The following ANGPT1 variants were observed in gnomAD, a reference collection of about 807,000 sequenced individuals.
ANGPT1 encodes the protein angiopoietin 1, also known as angiopoietin-1.
In ANGPT1, 17 loss-of-function variants were observed where a neutral mutation model predicts 62.2. The ratio of observed to expected loss-of-function variants is 0.27; its 90% CI spans 0.19 to 0.41. The LOEUF (loss-of-function observed/expected upper bound fraction) is 0.41, where lower values mean the gene tolerates loss of function less well. Among genes scored for constraint, ANGPT1 ranks in the 10% least tolerant of loss-of-function variants. The pLI, the probability that ANGPT1 is intolerant of heterozygous loss-of-function variation, is 1.00. For synonymous variants in ANGPT1, 199 were observed against 198.9 expected, an observed-to-expected ratio of 1.00 and a Z score of 0.00; for missense variants, 478 against 594.9, an observed-to-expected ratio of 0.80 and a Z score of 2.04.
At chr8:107,460,039 A>G (rs761317364) in intron 1 of ANGPT1, among the ~76,000 whole-genome samples, 1 of 152,132 alleles carries the variant, frequency 6.6e-6, no homozygotes, top group Non-Finnish European at 1.5e-5. Context: ...TCACCATTTC[A>G]CTACTTGTTT....
At chr8:107,295,891 C>A (rs1371872315) in intron 5 of ANGPT1, among the ~76,000 whole-genome samples, 1 of 152,064 alleles carries the variant, frequency 6.6e-6, no homozygotes, top group African/African-American at 2.4e-5. Flanking sequence ...CATGCATTTT[C>A]TAATTTATTC....
intron 4 of ANGPT1, 35 bp downstream of exon 4, chr8:107,321,861 T>C (rs1460384898): frequency 6.3e-7 from 1 of 1,576,316 alleles, no homozygotes. Flanking sequence ...GGAAATAAAA[T>C]ATTAACAATA....
chr8:107,356,197 G>A (rs1433801210), intron 1 of ANGPT1, among the ~76,000 whole-genome samples: 2 of 152,098 alleles, frequency 1.3e-5, no homozygotes, highest in Non-Finnish European at 2.9e-5. Context: ...AACCCATCTT[G>A]TCTTACTATG....
intron 7 of ANGPT1, among the ~76,000 whole-genome samples, chr8:107,280,515 G>C (rs1198042877): frequency 6.6e-6 from 1 of 152,198 alleles, no homozygotes; most frequent in Non-Finnish European, 1.5e-5. Context: ...AGGTATCAGG[G>C]AAGACTTGGA....
At chr8:107,318,911 T>G (rs888383946) in intron 4 of ANGPT1, among the ~76,000 whole-genome samples, 103 of 152,270 alleles carry the variant, frequency 6.8e-4, no homozygotes, top group Middle Eastern at 3.4e-3. Flanking sequence ...GTGTACTACA[T>G]ACCTACCGGG....
At chr8:107,328,881 T>C (rs568939778) in intron 3 of ANGPT1, among the ~76,000 whole-genome samples, 79 of 152,046 alleles carry the variant, frequency 5.2e-4, no homozygotes, top group Admixed American at 5.1e-3. Context: ...ATCACATCAC[T>C]AATTATAGTT....
At chr8:107,318,384 C>G (rs2130048397) in intron 4 of ANGPT1, among the ~76,000 whole-genome samples, 1 of 152,224 alleles carries the variant, frequency 6.6e-6, no homozygotes, top group African/African-American at 2.4e-5. Flanking sequence ...TGCTGTGAAA[C>G]TAAACAAAAG....
At chr8:107,291,633 G>A (rs1045300584) in intron 6 of ANGPT1, among the ~76,000 whole-genome samples, 12 of 152,034 alleles carry the variant, frequency 7.9e-5, no homozygotes, top group African/African-American at 2.9e-4. Flanking sequence ...AGATGGTCTC[G>A]ATCTCCTGAC....
chr8:107,332,493 G>A (rs138057616), intron 3 of ANGPT1, among the ~76,000 whole-genome samples: 8 of 152,274 alleles, frequency 5.3e-5, no homozygotes, highest in South Asian at 2.1e-4. Flanking sequence ...TGTGCTTCTG[G>A]CCATGTAGGG....
chr8:107,477,157 C>T (rs189207327), intron 1 of ANGPT1, among the ~76,000 whole-genome samples: 24 of 152,174 alleles, frequency 1.6e-4, no homozygotes, highest in African/African-American at 5.5e-4. Flanking sequence ...AATTCCATTC[C>T]CTAAAACTGA....
chr8:107,318,190 ATG>A (rs1231920507), intron 4 of ANGPT1, among the ~76,000 whole-genome samples: 2 of 152,238 alleles, frequency 1.3e-5, no homozygotes, highest in African/African-American at 2.4e-5. Flanking sequence ...GCAAAAATAA[ATG>A]TGTTACTCAG....
chr8:107,317,471 C>G (rs1287650863), intron 4 of ANGPT1, among the ~76,000 whole-genome samples: 3 of 152,020 alleles, frequency 2.0e-5, no homozygotes, highest in Non-Finnish European at 4.4e-5. Context: ...AGTCTAAATA[C>G]TTTTTTTAAA....
intron 7 of ANGPT1, among the ~76,000 whole-genome samples, chr8:107,264,890 T>A (rs1033643605): frequency 1.1e-4 from 16 of 152,210 alleles, no homozygotes; most frequent in African/African-American, 3.6e-4. Context: ...CTATGTAAGC[T>A]GGAATTTAGC....
At chr8:107,383,609 C>T (rs1478213626) in intron 1 of ANGPT1, among the ~76,000 whole-genome samples, 1 of 152,242 alleles carries the variant, frequency 6.6e-6, no homozygotes, top group Middle Eastern at 3.4e-3. Flanking sequence ...ACACACAACA[C>T]CTTTTTAAAA....
At position 107,292,754 on chromosome 8, in the gene ANGPT1, C is replaced by T. The variant is rs930708142; in HGVS notation, c.1038+1182G>A. The stretch of plus-strand genomic sequence containing the variant: ...AACCTCCATTCATTTATTAAAACCC[C>T]TTATTTACTGTCATTTGACCAACTA... On this transcript the variant is annotated intron_variant, in intron 6 of 8. Transcript: ENST00000517746. 3.3e-5 allele frequency among the ~76,000 whole-genome samples: 5 copies of T among 152,260 alleles called. No individual in the cohort carries two copies. The East Asian group carries it at 9.7e-4, about 29-fold the overall frequency.
intron 7 of ANGPT1, among the ~76,000 whole-genome samples, chr8:107,276,253 G>C (rs1300732661): frequency 1.3e-5 from 2 of 152,086 alleles, no homozygotes; most frequent in African/African-American, 4.8e-5. Context: ...GAAATTATTT[G>C]AAAACACAAA....
chr8:107,294,284 A>G, intron 5 of ANGPT1: 1 of 346,404 alleles, frequency 2.9e-6, no homozygotes. Context: ...TCAGCTGAAA[A>G]TTAAGTCTTT....
intron 1 of ANGPT1, among the ~76,000 whole-genome samples, chr8:107,453,622 T>C (rs1304551038): frequency 1.3e-5 from 2 of 151,988 alleles, no homozygotes; most frequent in Non-Finnish European, 2.9e-5. Flanking sequence ...CAAGAAGAGA[T>C]TTGGGTGGGG....
intron 1 of ANGPT1, among the ~76,000 whole-genome samples, chr8:107,457,331 G>C (rs1369178019): frequency 6.6e-6 from 1 of 151,972 alleles, no homozygotes; most frequent in Admixed American, 6.6e-5. Flanking sequence ...ATAATAACCA[G>C]TTTAATAATG....
Sources: gnomAD v4.1 joint callset for allele counts (sites outside exome capture counted in the v4.1 genomes callset) on GRCh38, gnomAD v4.1.1 for gene constraint, MANE v1.5 for transcripts, NCBI Gene and HGNC (gene_info 2026-07-23, HGNC 2026-07-21) for gene names.